Variants in CDH13 observed in about 807,000 individuals in gnomAD.
The protein encoded by CDH13 is cadherin 13, also known as cadherin-13.
In CDH13, 24 loss-of-function variants were observed where a neutral mutation model predicts 63.8. The ratio of observed to expected loss-of-function variants is 0.38; its 90% CI spans 0.27 to 0.53. The LOEUF is 0.53. CDH13 is among the 20% of genes least tolerant of loss of function. The pLI is 0.85. For synonymous variants in CDH13, 503 were observed against 355.3 expected, an observed-to-expected ratio of 1.42 and a Z score of -4.67; for missense variants, 1,049 against 903.1, an observed-to-expected ratio of 1.16 and a Z score of -2.07.
chr16:83,179,061 C>T (rs1033830305), intron 4 of CDH13, among the ~76,000 whole-genome samples: 2 of 152,108 alleles, frequency 1.3e-5, no homozygotes, highest in Non-Finnish European at 2.9e-5. Flanking sequence ...AATGCGCCAC[C>T]CTATTGGCAA....
intron 1 of CDH13, among the ~76,000 whole-genome samples, chr16:82,738,170 G>T (rs1439161430): frequency 6.6e-6 from 1 of 152,158 alleles, no homozygotes; most frequent in African/African-American, 2.4e-5. Flanking sequence ...TGCTCTCAAA[G>T]AGTTTCTTGC....
chr16:83,121,218 C>A (rs1042737028), intron 3 of CDH13, among the ~76,000 whole-genome samples: 11 of 152,164 alleles, frequency 7.2e-5, no homozygotes, highest in African/African-American at 2.4e-4. Flanking sequence ...ACTAAAGTGT[C>A]TCTTACTTAG....
chr16:83,123,112 T>C (rs1223856589), intron 3 of CDH13, among the ~76,000 whole-genome samples: 2 of 152,120 alleles, frequency 1.3e-5, no homozygotes, highest in Admixed American at 1.3e-4. Flanking sequence ...TTATTCTTTT[T>C]TTAGGCTTGA....
chr16:83,462,091 C>T (rs1020042097), intron 6 of CDH13, among the ~76,000 whole-genome samples: 7 of 152,210 alleles, frequency 4.6e-5, no homozygotes, highest in African/African-American at 1.7e-4. Context: ...ATCGTTTTAA[C>T]AGGGGCCAAG....
chr16:82,647,273 T>C (rs1360939267), intron 1 of CDH13, among the ~76,000 whole-genome samples: 1 of 152,194 alleles, frequency 6.6e-6, no homozygotes, highest in African/African-American at 2.4e-5. Context: ...AAGCTGGATG[T>C]GTTTACGTAC....
chr16:83,651,352 A>C (rs776083267), intron 8 of CDH13, among the ~76,000 whole-genome samples: 99 of 152,156 alleles, frequency 6.5e-4, no homozygotes, highest in Admixed American at 1.0e-3. Context: ...TCATTATAAC[A>C]ATGTGCATTT....
intron 2 of CDH13, among the ~76,000 whole-genome samples, chr16:82,972,294 C>T (rs769508230): frequency 6.6e-6 from 1 of 152,112 alleles, no homozygotes; most frequent in Non-Finnish European, 1.5e-5. Context: ...AGTGGAGAGT[C>T]TGGGTGTGAG....
intron 5 of CDH13, among the ~76,000 whole-genome samples, chr16:83,323,601 C>T (rs900842706): frequency 6.6e-6 from 1 of 151,948 alleles, no homozygotes; most frequent in Non-Finnish European, 1.5e-5. Context: ...CTACCTTAAA[C>T]CTCTGGAAAA....
chr16:83,271,849 T>G (rs1473847968), intron 5 of CDH13, among the ~76,000 whole-genome samples: 2 of 152,226 alleles, frequency 1.3e-5, no homozygotes, highest in Non-Finnish European at 2.9e-5. Context: ...GTCACTGCAC[T>G]TGGGAGAAAA....
intron 7 of CDH13, among the ~76,000 whole-genome samples, chr16:83,527,959 C>T (rs1448012976): frequency 1.3e-5 from 2 of 152,176 alleles, no homozygotes; most frequent in Non-Finnish European, 2.9e-5. Context: ...TAGAGATCTT[C>T]CTCGAATGAG....
At chr16:83,385,371 A>T (rs1337986447) in intron 6 of CDH13, among the ~76,000 whole-genome samples, 2 of 152,234 alleles carry the variant, frequency 1.3e-5, no homozygotes, top group Non-Finnish European at 2.9e-5. Flanking sequence ...CCAGCAGAGT[A>T]GCTTCCAGAT....
chr16:82,688,097 G>A (rs1420128799), intron 1 of CDH13, among the ~76,000 whole-genome samples: 1 of 152,164 alleles, frequency 6.6e-6, no homozygotes, highest in East Asian at 1.9e-4. Context: ...TTGTGAAGCT[G>A]GGTTACTGGG....
rs529602501 is a variant in CDH13, at chr16:83,300,748, A to G, written c.637-44114A>G. On this transcript the variant is annotated intron_variant, in intron 5 of 13. Transcript: ENST00000567109. ...ATGGTTGAAAAGGTTATAGATCATG[A>G]TTTATGCAGTTTATATATGCAGGTT... Among the ~76,000 whole-genome samples the G allele has an allele frequency of 1.2e-4, 18 of 152,332 alleles. No homozygotes were observed. In the South Asian group the frequency reaches 3.7e-3, roughly 32 times the overall value.
intron 5 of CDH13, among the ~76,000 whole-genome samples, chr16:83,303,172 G>A (rs1027448802): frequency 2.6e-5 from 4 of 152,166 alleles, no homozygotes; most frequent in Non-Finnish European, 5.9e-5. Flanking sequence ...CCAGTGTTGG[G>A]GCCAAGGGAA....
intron 5 of CDH13, among the ~76,000 whole-genome samples, chr16:83,280,537 C>T (rs1379516610): frequency 6.6e-6 from 1 of 152,202 alleles, no homozygotes; most frequent in Non-Finnish European, 1.5e-5. Flanking sequence ...CAACTTCTTC[C>T]AAACCCCTGT....
chr16:82,680,321 G>A (rs1242071398), intron 1 of CDH13, among the ~76,000 whole-genome samples: 2 of 152,202 alleles, frequency 1.3e-5, no homozygotes, highest in Admixed American at 1.3e-4. Flanking sequence ...GACATCAAGA[G>A]TCGAGGCACC....
Position 83,125,425 on chromosome 16 carries a change from A to G in CDH13, c.407A>G (p.Gln136Arg). 1 of 1,611,290 alleles carries G rather than the reference A, an allele frequency of 6.2e-7. No individual in the cohort carries two copies. The highest frequency in any genetic ancestry group is 8.5e-7 in the Non-Finnish European group (1 of 1,177,460). ...KFARTSPVPR[Q>R]KRSIVVSPIL... is the part of the protein sequence containing the mutation. The stretch of plus-strand genomic sequence containing the variant: ...GCAAGAACTTCTCCTGTCCCAAGAC[A>G]AAAGAGGTCCATTGTGGTATCTCCC... The change falls in exon 4 of 14, where the codon CAA becomes CGA. Residue 136 changes from glutamine (Q) to arginine (R), a missense_variant. Transcript: ENST00000567109.
intron 4 of CDH13, among the ~76,000 whole-genome samples, chr16:83,140,598 C>T (rs9924640): frequency 0.017 from 2,643 of 152,166 alleles, 53 homozygotes; most frequent in African/African-American, 0.059. Context: ...GGATTACAGG[C>T]GCCTGCCACC....
chr16:83,727,326 A>G (rs189177038), intron 10 of CDH13, among the ~76,000 whole-genome samples: 1 of 152,186 alleles, frequency 6.6e-6, no homozygotes, highest in East Asian at 1.9e-4. Context: ...GTGGGAAGGG[A>G]CGCTGCTGAG....
Sources: gnomAD v4.1 joint callset for allele counts (sites outside exome capture counted in the v4.1 genomes callset) on GRCh38, gnomAD v4.1.1 for gene constraint, MANE v1.5 for transcripts, NCBI Gene and HGNC (gene_info 2026-07-23, HGNC 2026-07-21) for gene names.